Variants in IPCEF1 observed in about 807,000 individuals in gnomAD.
IPCEF1 encodes interactor protein for cytohesin exchange factors 1.
In IPCEF1, 31 loss-of-function variants were observed where a neutral mutation model predicts 50.9. The observed-to-expected ratio is 0.61, with a 90% CI of 0.46 to 0.82. The LOEUF is 0.82. Among genes scored for constraint, IPCEF1 ranks in the 40% least tolerant of loss-of-function variants. The pLI, the probability that IPCEF1 is intolerant of heterozygous loss-of-function variation, is 0.00. For synonymous variants in IPCEF1, 181 were observed against 192.0 expected (o/e 0.94, Z 0.47); for missense variants, 458 against 514.0 (o/e 0.89, Z 1.05).
At chr6:154,247,281 G>C (rs563254639) in intron 4 of IPCEF1, 168 bp downstream of exon 4, 1 of 577,762 alleles carries the variant, frequency 1.7e-6, no homozygotes, top group Admixed American at 3.0e-5. Context: ...ACAACATGTC[G>C]TCATTTCTTA....
rs1158854273 is a variant in IPCEF1, at chr6:154,318,616, C to T, written c.-61-28860G>A. 1.9e-4 allele frequency among the ~76,000 whole-genome samples: 29 copies of T among 150,498 alleles called. 1 individual carries two copies. Reference sequence around the variant, plus strand: ...CCTCTAGTCTCAGCACTTTGGGAGGCCAAGGTGGGTAGATTGCTTGAGCCC... The same window carrying T: ...CCTCTAGTCTCAGCACTTTGGGAGGTCAAGGTGGGTAGATTGCTTGAGCCC... On this transcript the variant is annotated intron_variant, in intron 1 of 11. Coordinates refer to ENST00000367220, the MANE Select transcript of IPCEF1 (RefSeq NM_001130700.2).
rs555842003 is a variant in IPCEF1, at chr6:154,328,442, G to A, written c.-62+28230C>T. On this transcript the variant is annotated intron_variant, in intron 1 of 11. Coordinates refer to ENST00000367220, the MANE Select transcript of IPCEF1 (RefSeq NM_001130700.2). ...CCTGTTAACGTATTAGCAGCCCTAA[G>A]AAGTTCTTCAATGGAGGCCAGGCAT... Among the ~76,000 whole-genome samples the A allele has an allele frequency of 5.2e-4, 79 of 152,118 alleles. 2 individuals carry two copies. In the South Asian group the frequency reaches 6.8e-3, roughly 13 times the overall value.
intron 10 of IPCEF1, among the ~76,000 whole-genome samples, chr6:154,184,794 CAAGTA>C (rs1801194379): frequency 6.6e-6 from 1 of 151,906 alleles, no homozygotes; most frequent in Non-Finnish European, 1.5e-5. Flanking sequence ...GAGATTTTAT[CAAGTA>C]TAGTATCTTT....
chr6:154,180,414 A>ATATTTTTT (rs1241250621), intron 10 of IPCEF1, among the ~76,000 whole-genome samples: 1,627 of 64,686 alleles, frequency 0.025, 19 homozygotes, highest in Non-Finnish European at 0.042. Flanking sequence ...ATATATATAT[A>ATATTTTTT]TTTTTTTTTT....
At chr6:154,344,957 C>A (rs1783998605) in intron 1 of IPCEF1, among the ~76,000 whole-genome samples, 1 of 152,172 alleles carries the variant, frequency 6.6e-6, no homozygotes, top group South Asian at 2.1e-4. Flanking sequence ...ACAATCTCCT[C>A]TTCCTGGGTT....
At chr6:154,252,053 C>A (rs1222269183) in intron 3 of IPCEF1, among the ~76,000 whole-genome samples, 2 of 152,102 alleles carry the variant, frequency 1.3e-5, no homozygotes, top group Non-Finnish European at 2.9e-5. Flanking sequence ...ACTTGGTATA[C>A]AGCAGTATAT....
intron 11 of IPCEF1, among the ~76,000 whole-genome samples, chr6:154,163,324 CT>C (rs761832972): frequency 5.9e-5 from 9 of 152,192 alleles, no homozygotes; most frequent in Non-Finnish European, 1.2e-4. Context: ...GTTTTTGTTC[CT>C]TTTGCCTGAA....
At chr6:154,284,883 C>G (rs1315251696) in intron 2 of IPCEF1, among the ~76,000 whole-genome samples, 1 of 152,040 alleles carries the variant, frequency 6.6e-6, no homozygotes, top group African/African-American at 2.4e-5. Context: ...ACCTGTAGTC[C>G]CAGCTACTCG....
intron 2 of IPCEF1, among the ~76,000 whole-genome samples, chr6:154,276,526 C>A (rs17085260): frequency 0.19 from 29,046 of 152,070 alleles, 3,300 homozygotes; most frequent in East Asian, 0.58. Flanking sequence ...TTTCAGTCTT[C>A]ACAGCAAGGT....
chr6:154,327,615 G>A (rs539383006), intron 1 of IPCEF1, among the ~76,000 whole-genome samples: 11 of 152,192 alleles, frequency 7.2e-5, no homozygotes, highest in Non-Finnish European at 1.3e-4. Context: ...CTTTTACACT[G>A]TTGGTGGGAA....
intron 6 of IPCEF1, 172 bp downstream of exon 6, chr6:154,222,998 T>A: frequency 1.6e-6 from 1 of 614,896 alleles, no homozygotes; most frequent in Non-Finnish European, 2.9e-6. Flanking sequence ...TTCCAGAAAA[T>A]GAGAGGTTAA....
Position 154,168,752 on chromosome 6 carries a change from C to A in IPCEF1, c.911-639G>T, listed in dbSNP as rs1391931435. Among the ~76,000 whole-genome samples, 1 of 151,938 alleles carries A rather than the reference C, an allele frequency of 6.6e-6. No individual in the cohort carries two copies. The highest frequency in any genetic ancestry group is 1.5e-5 in the Non-Finnish European group (1 of 67,974). On this transcript the variant is annotated intron_variant, in intron 10 of 11. Coordinates refer to ENST00000367220, the MANE Select transcript of IPCEF1 (RefSeq NM_001130700.2). This position sits in a 1 kb window ranked among gnomAD's most constrained non-coding sequence, Gnocchi z 4.1. ...TCCCAAGTAGCTGGGATTACAGGCA[C>A]CTGCCACCATGCCCGGCTCATTTTT...
intron 1 of IPCEF1, among the ~76,000 whole-genome samples, chr6:154,299,755 A>G (rs1032815524): frequency 7.1e-6 from 1 of 140,872 alleles, no homozygotes; most frequent in African/African-American, 2.5e-5. Context: ...GGAACTTAAA[A>G]CGAAATAAAA....
chr6:154,243,916 G>T (rs1279052768), intron 5 of IPCEF1, among the ~76,000 whole-genome samples: 1 of 152,130 alleles, frequency 6.6e-6, no homozygotes, highest in Non-Finnish European at 1.5e-5. Context: ...ATATATGCAA[G>T]GTACCTTGAA....
intron 6 of IPCEF1, 112 bp downstream of exon 6, chr6:154,223,058 A>G (rs1489985630): frequency 7.2e-6 from 6 of 835,822 alleles, no homozygotes; most frequent in Non-Finnish European, 1.2e-5. Flanking sequence ...TCAAATTCTC[A>G]GACATTCCGA....
chr6:154,171,491 C>A (rs1799866325), intron 10 of IPCEF1, among the ~76,000 whole-genome samples: 1 of 151,806 alleles, frequency 6.6e-6, no homozygotes, highest in African/African-American at 2.4e-5. Context: ...TGGAGAATGG[C>A]AGCTAATGTG....
At chr6:154,223,485 G>T (rs1583840494) in intron 5 of IPCEF1, among the ~76,000 whole-genome samples, 1 of 152,148 alleles carries the variant, frequency 6.6e-6, no homozygotes, top group East Asian at 1.9e-4. Context: ...ACAGCTTAGG[G>T]ATGGTCACCA....
intron 1 of IPCEF1, among the ~76,000 whole-genome samples, chr6:154,344,924 C>T (rs1043589282): frequency 6.6e-6 from 1 of 152,198 alleles, no homozygotes; most frequent in Non-Finnish European, 1.5e-5. Context: ...TTCACTCTGT[C>T]ACCCAGGTTG....
At chr6:154,317,378 T>C (rs1227335388) in intron 1 of IPCEF1, among the ~76,000 whole-genome samples, 1 of 150,788 alleles carries the variant, frequency 6.6e-6, no homozygotes, top group East Asian at 1.9e-4. Context: ...TGAAACCCCG[T>C]CTCTACTAAA....
Sources: gnomAD v4.1 joint callset for allele counts (sites outside exome capture counted in the v4.1 genomes callset) on GRCh38, gnomAD v4.1.1 for gene constraint, Gnocchi (gnomAD v3.1) non-coding constraint, MANE v1.5 for transcripts, NCBI Gene and HGNC (gene_info 2026-07-23, HGNC 2026-07-21) for gene names.